Variants in CNOT3 observed in about 807,000 individuals in gnomAD.
CNOT3 encodes the protein CCR4-associated factor 3.
Under a neutral mutation model 89.4 loss-of-function variants are expected in CNOT3, and 2 were observed. The observed-to-expected ratio is 0.02, with a 90% CI of 0.01 to 0.07. The LOEUF (loss-of-function observed/expected upper bound fraction) is 0.07, where lower values mean the gene tolerates loss of function less well. Among genes scored for constraint, CNOT3 ranks in the 10% least tolerant of loss-of-function variants. The pLI is 1.00. For synonymous variants in CNOT3, 486 were observed against 402.0 expected (o/e 1.21, Z -2.50); for missense variants, 664 against 1,010.2 (o/e 0.66, Z 4.65).
intron 15 of CNOT3, 56 bp downstream of exon 15, chr19:54,152,682 A>G: frequency 6.9e-7 from 1 of 1,443,646 alleles, no homozygotes; most frequent in Non-Finnish European, 9.7e-7. Flanking sequence ...CGGAGGAGGC[A>G]GTGGCTGAAC....
In CNOT3 at chr19:54,144,920, G is replaced by A. The variant is rs1056009070; in HGVS notation, c.483+588G>A. 6.6e-6 allele frequency among the ~76,000 whole-genome samples: 1 copy of A among 152,166 alleles called. No individual in the cohort carries two copies. Among genetic ancestry groups the A allele is most frequent in the African/African-American group, 2.4e-5 (1 of 41,416 alleles). On this transcript the variant is annotated intron_variant, in intron 7 of 17. Transcript: ENST00000221232. This position sits in a 1 kb window ranked among gnomAD's most constrained non-coding sequence, Gnocchi z 4.8. ...CGGGTCCTCAGGGAAGCTGTGGGTG[G>A]GAGAGGGTCAGGAAGTGGAAGATGA...
rs1395413041 is a variant in CNOT3, at chr19:54,153,701, T to G, written c.2038-14T>G. 6.2e-7 allele frequency: 1 copy of G among 1,612,778 alleles called. No homozygotes were observed. The highest frequency in any genetic ancestry group is 1.3e-5 in the African/African-American group (1 of 74,868). On this transcript the variant is annotated splice_polypyrimidine_tract_variant and intron_variant, in intron 16 of 17. Coordinates refer to ENST00000221232, the MANE Select transcript of CNOT3 (RefSeq NM_014516.4). ...GGGGCCCCCTGATCCCCCTCTCCACTGTTCCTCCCCCAGGGCACTAAGGCA... is the reference window on the plus strand; with the variant it reads ...GGGGCCCCCTGATCCCCCTCTCCACGGTTCCTCCCCCAGGGCACTAAGGCA...
chr19:54,140,015 TC>T (rs1206990351), intron 1 of CNOT3, among the ~76,000 whole-genome samples: 27 of 152,144 alleles, frequency 1.8e-4, no homozygotes, highest in Admixed American at 1.8e-3. Flanking sequence ...GCGGAAGCTC[TC>T]CCAGATCAAA....
In CNOT3 at chr19:54,148,646, C is replaced by G. The variant is rs1280903595; in HGVS notation, c.1309C>G (p.Pro437Ala). 6.2e-7 allele frequency: 1 copy of G among 1,610,526 alleles called. No homozygotes were observed. Among genetic ancestry groups the G allele is most frequent in the Middle Eastern group, 1.7e-4 (1 of 6,044 alleles). The stretch of plus-strand genomic sequence containing the variant: ...TTACAGCTCAGTTGTGGCAGACAGC[C>G]CGGCAGAGGTGGCTTTGAGCAGCAG... ...TSYSSVVADS[P>A]AEVALSSSGG... Residue 437 changes from proline to alanine, a missense_variant, in exon 12 of 18, where the codon CCG becomes GCG. Around this residue, in one of 8 missense-constraint regions of CNOT3, gnomAD observed 545 missense variants for 566.2 expected, o/e 0.96. Transcript: ENST00000221232. This position sits in a 1 kb window ranked among gnomAD's most constrained non-coding sequence, Gnocchi z 6.3.
At position 54,146,732 on chromosome 19, in the gene CNOT3, G is replaced by A. The variant is rs1234103742; in HGVS notation, c.894+75G>A. 1.2e-5 allele frequency: 10 copies of A among 846,656 alleles called. No individual in the cohort carries two copies. The Admixed American group carries it at 1.5e-4, about 13-fold the overall frequency. The allele number at this position is 846,656 out of a possible 1,614,324, so 52.4% of individuals were successfully genotyped here. A position where few individuals can be genotyped will look rare whatever the true frequency, so the allele number is the denominator to read the frequency against. ...TTCCCAAAGGCATCTTGAGGCCTGA[G>A]CGCCGGCCACTGTGCTGGGCTGGTG... On this transcript the variant is annotated intron_variant, in intron 10 of 17. Coordinates refer to ENST00000221232, the MANE Select transcript of CNOT3 (RefSeq NM_014516.4).
At chr19:54,142,521 C>T (rs1482545117) in intron 1 of CNOT3, 1 of 275,222 alleles carries the variant, frequency 3.6e-6, no homozygotes, top group African/African-American at 2.2e-5. Flanking sequence ...TCCTAGCCAC[C>T]TCTGCCCAGC....
chr19:54,148,336 C>T lies in CNOT3; in HGVS notation c.1083C>T (p.Pro361=). 4 of 1,594,148 alleles carry T rather than the reference C, an allele frequency of 2.5e-6. No individual in the cohort carries two copies. The highest frequency in any genetic ancestry group is 3.4e-6 in the Non-Finnish European group (4 of 1,170,100). ...SALGPKASPA[P]SHNSGTPAPY... Reference sequence around the variant, plus strand: ...TGGGCCCCAAGGCCAGTCCAGCTCCCAGCCACAACTCGGGCACCCCTGCTC... The same window carrying T: ...TGGGCCCCAAGGCCAGTCCAGCTCCTAGCCACAACTCGGGCACCCCTGCTC... Residue 361 remains proline, a synonymous_variant, in exon 11 of 18, where the codon CCC becomes CCT. Transcript: ENST00000221232. The surrounding 1 kb of genome is among the most constrained non-coding windows in gnomAD (Gnocchi z 6.3).
At position 54,148,144 on chromosome 19, in the gene CNOT3, G is replaced by T. The variant is rs767027855; in HGVS notation, c.895-4G>T. On this transcript the variant is annotated splice_polypyrimidine_tract_variant and splice_region_variant and intron_variant, in intron 10 of 17. Transcript: ENST00000221232. This position sits in a 1 kb window ranked among gnomAD's most constrained non-coding sequence, Gnocchi z 6.3. Reference sequence around the variant, plus strand: ...CCTGACCCTCTGCTCTCTCCCACCCGCAGTCTCCAGCCAAAAACGGCTCCA... The same window carrying T: ...CCTGACCCTCTGCTCTCTCCCACCCTCAGTCTCCAGCCAAAAACGGCTCCA... 54 of 1,490,742 alleles carry T rather than the reference G, an allele frequency of 3.6e-5. 2 individuals carry two copies. Among genetic ancestry groups the T allele is most frequent in the Non-Finnish European group, 4.6e-5 (52 of 1,118,738 alleles). The allele number at this position is 1,490,742 out of a possible 1,614,324, so 92.3% of individuals were successfully genotyped here. A position where few individuals can be genotyped will look rare whatever the true frequency, so the allele number is the denominator to read the frequency against.
intron 13 of CNOT3, 121 bp downstream of exon 13, chr19:54,149,879 C>A (rs1401466721): frequency 3.8e-6 from 4 of 1,040,924 alleles, no homozygotes; most frequent in East Asian, 5.4e-5. Flanking sequence ...GCTTTCTGTC[C>A]CCTTCTCACA....
Position 54,148,047 on chromosome 19 carries a change from G to A in CNOT3, c.895-101G>A. Reference sequence around the variant, plus strand: ...GGAGCAGGTGGGGGCAGCGAGGCCAGAGAGGAGGCTGCTGGGACAAAGATG... The same window carrying A: ...GGAGCAGGTGGGGGCAGCGAGGCCAAAGAGGAGGCTGCTGGGACAAAGATG... On this transcript the variant is annotated intron_variant, in intron 10 of 17. Coordinates refer to ENST00000221232, the MANE Select transcript of CNOT3 (RefSeq NM_014516.4). This position sits in a 1 kb window ranked among gnomAD's most constrained non-coding sequence, Gnocchi z 6.3. 1.0e-6 allele frequency: 1 copy of A among 962,126 alleles called. No homozygotes were observed. The allele number at this position is 962,126 out of a possible 1,614,324, so 59.6% of individuals were successfully genotyped here. A position where few individuals can be genotyped will look rare whatever the true frequency, so the allele number is the denominator to read the frequency against.
In CNOT3 at chr19:54,148,772, G is replaced by A. The variant is rs763814330; in HGVS notation, c.1406+29G>A. 4 of 1,601,770 alleles carry A rather than the reference G, an allele frequency of 2.5e-6. No individual in the cohort carries two copies. Among genetic ancestry groups the A allele is most frequent in the East Asian group, 4.5e-5 (2 of 44,530 alleles). On this transcript the variant is annotated intron_variant, in intron 12 of 17. Coordinates refer to ENST00000221232, the MANE Select transcript of CNOT3 (RefSeq NM_014516.4). This position sits in a 1 kb window ranked among gnomAD's most constrained non-coding sequence, Gnocchi z 6.3. ...AGTGTCTCGGCCATCGGCAGGGTTG[G>A]GATGGCAGCCTTTTGAAACAGAGAG...
At chr19:54,142,350 G>C (rs1167014906) in intron 1 of CNOT3, 6 of 155,164 alleles carry the variant, frequency 3.9e-5, no homozygotes, top group African/African-American at 1.5e-4. Context: ...CTGCATGAGC[G>C]GGTTCAGCTC....
In CNOT3 at chr19:54,154,264, G is replaced by A. The variant is rs1055234; in HGVS notation, c.2163+424G>A. ...ACTCAGCAGGGCAGGGGCTCAGTGC[G>A]GAAACTATTTTTTTTGAATGGGCTT... On this transcript the variant is annotated intron_variant, in intron 17 of 17. Coordinates refer to ENST00000221232, the MANE Select transcript of CNOT3 (RefSeq NM_014516.4). The A allele has an allele frequency of 2.0e-4, 70 of 345,712 alleles. 1 individual carries two copies. Among genetic ancestry groups the A allele is most frequent in the African/African-American group, 5.1e-4 (24 of 47,076 alleles). The allele number at this position is 345,712 out of a possible 1,614,324, so 21.4% of individuals were successfully genotyped here.
chr19:54,155,018 CGAG>C (rs1385385223), intron 17 of CNOT3: 7 of 491,256 alleles, frequency 1.4e-5, no homozygotes, highest in Admixed American at 3.8e-5. Flanking sequence ...CCACAGCCCT[CGAG>C]GAAACGAAGG....
intron 1 of CNOT3, chr19:54,142,697 A>ATT (rs2074501592): frequency 1.7e-6 from 1 of 585,740 alleles, no homozygotes. Flanking sequence ...GGCACACAAA[A>ATT]AAGTATGTAA....
rs774477113 is a variant in CNOT3 at position 54,148,426 on chromosome 19, C to G, written c.1173C>G (p.Pro391=). The G allele has an allele frequency of 5.2e-5, 82 of 1,564,358 alleles. No individual in the cohort carries two copies. Among genetic ancestry groups the G allele is most frequent in the Admixed American group, 1.1e-4 (6 of 55,218 alleles). The change falls in exon 11 of 18, where the codon CCC becomes CCG. Residue 391 remains proline, a synonymous_variant. Coordinates refer to ENST00000221232, the MANE Select transcript of CNOT3 (RefSeq NM_014516.4). This position sits in a 1 kb window ranked among gnomAD's most constrained non-coding sequence, Gnocchi z 6.3. ...SGPSTTQPRP[P]SVQPSGGGGG... is the part of the protein sequence containing the mutation. ...CCAGCACGACCCAGCCCCGGCCCCC[C>G]AGCGTCCAGCCTAGCGGAGGCGGAG...
At chr19:54,143,782 G>GGGAA in intron 5 of CNOT3, 33 bp downstream of exon 5, 1 of 1,601,118 alleles carries the variant, frequency 6.2e-7, no homozygotes, top group Non-Finnish European at 8.5e-7. Flanking sequence ...CCAGAGAGGT[G>GGGAA]GGAAGGTCAC....
At chr19:54,151,439 C>G (rs1296262268) in intron 13 of CNOT3, among the ~76,000 whole-genome samples, 1 of 152,102 alleles carries the variant, frequency 6.6e-6, no homozygotes, top group Non-Finnish European at 1.5e-5. Context: ...CGTGGTGGCT[C>G]ACACCTGTAA....
intron 16 of CNOT3, chr19:54,153,226 C>T (rs2075228908): frequency 1.3e-6 from 1 of 763,690 alleles, no homozygotes; most frequent in Non-Finnish European, 2.4e-6. Context: ...GGCTGGTCCA[C>T]TGAGGCACAC....
Sources: allele counts gnomAD v4.1 joint callset (sites outside exome capture counted in the v4.1 genomes callset), GRCh38; gene constraint gnomAD v4.1.1; regional missense constraint gnomAD v4.1.1; non-coding constraint Gnocchi (gnomAD v3.1); transcripts MANE v1.5; gene names NCBI Gene and HGNC (gene_info 2026-07-23, HGNC 2026-07-21).